Variants in CAB39L observed in about 807,000 individuals in gnomAD.
CAB39L encodes calcium-binding protein 39-like.
In CAB39L, 23 loss-of-function variants were observed where a neutral mutation model predicts 39.1. That is an observed-to-expected ratio of 0.59 (90% CI 0.42 to 0.83). The LOEUF is 0.83. Ranked by LOEUF, CAB39L falls within the 40% of genes least tolerant of loss-of-function variation. The pLI is 0.00. For synonymous variants in CAB39L, 126 were observed against 137.2 expected, an observed-to-expected ratio of 0.92 and a Z score of 0.57; for missense variants, 366 against 391.9, an observed-to-expected ratio of 0.93 and a Z score of 0.56.
chr13:49,338,255 T>G (rs1411367073), intron 9 of CAB39L, among the ~76,000 whole-genome samples: 1 of 151,836 alleles, frequency 6.6e-6, no homozygotes, highest in Non-Finnish European at 1.5e-5. Context: ...CCAACCCAAA[T>G]GTCCAACAAT....
intron 3 of CAB39L, among the ~76,000 whole-genome samples, chr13:49,395,237 CTTTT>C (rs543831076): frequency 1.5e-5 from 2 of 135,008 alleles, no homozygotes; most frequent in South Asian, 2.4e-4. Flanking sequence ...TCTTTTCTTT[CTTTT>C]TTTTTTTTTT....
At chr13:49,322,251 G>A (rs185862355) in intron 10 of CAB39L, among the ~76,000 whole-genome samples, 30 of 152,224 alleles carry the variant, frequency 2.0e-4, no homozygotes, top group African/African-American at 6.5e-4. Flanking sequence ...AATAAAATAC[G>A]TGGTTTCTAT....
At chr13:49,355,434 C>T (rs1476075549) in intron 6 of CAB39L, among the ~76,000 whole-genome samples, 3 of 151,942 alleles carry the variant, frequency 2.0e-5, no homozygotes, top group Non-Finnish European at 4.4e-5. Flanking sequence ...GGCCTAGAAG[C>T]AATAACAATC....
At chr13:49,429,679 C>T (rs1025344956) in intron 3 of CAB39L, among the ~76,000 whole-genome samples, 1 of 152,134 alleles carries the variant, frequency 6.6e-6, no homozygotes, top group African/African-American at 2.4e-5. Flanking sequence ...ATGAGTATAC[C>T]ATGAGGTTCA....
intron 10 of CAB39L, among the ~76,000 whole-genome samples, chr13:49,330,741 G>A (rs976173139): frequency 6.7e-6 from 1 of 149,240 alleles, no homozygotes; most frequent in African/African-American, 2.5e-5. Context: ...AAAAAATCTG[G>A]AACTCTCTGA....
At chr13:49,430,824 A>C (rs1594097593) in intron 3 of CAB39L, among the ~76,000 whole-genome samples, 1 of 152,148 alleles carries the variant, frequency 6.6e-6, no homozygotes, top group African/African-American at 2.4e-5. Flanking sequence ...CCTAATTCGT[A>C]ATTCCTGTTA....
intron 6 of CAB39L, among the ~76,000 whole-genome samples, chr13:49,359,250 T>C (rs1359140255): frequency 6.6e-6 from 1 of 152,172 alleles, no homozygotes; most frequent in African/African-American, 2.4e-5. Flanking sequence ...GTTTTATGGC[T>C]TCCCTATAGA....
intron 1 of CAB39L, among the ~76,000 whole-genome samples, chr13:49,435,902 G>C (rs1957404640): frequency 6.6e-6 from 1 of 152,184 alleles, no homozygotes; most frequent in African/African-American, 2.4e-5. Flanking sequence ...TTTTACGAAG[G>C]TGTTTTCATC....
intron 3 of CAB39L, among the ~76,000 whole-genome samples, chr13:49,385,133 C>G (rs920810019): frequency 4.6e-5 from 7 of 152,204 alleles, no homozygotes; most frequent in African/African-American, 1.7e-4. Context: ...TGTGTGGCCA[C>G]CCTCACCAAT....
chr13:49,316,498 C>A lies in CAB39L; in HGVS notation c.835-5505G>T, dbSNP rs532322362. On this transcript the variant is annotated intron_variant, in intron 10 of 10. Coordinates refer to ENST00000409308, the MANE Select transcript of CAB39L (RefSeq NM_001079670.3). ...TATGAGGCCAGTATTACCCAAATAC[C>A]AAAGCCAGAGAAAAACAACACAAAA... Among the ~76,000 whole-genome samples, 159 of 152,210 alleles carry A rather than the reference C, an allele frequency of 1.0e-3. 1 individual carries two copies. The highest frequency in any genetic ancestry group is 3.6e-3 in the African/African-American group (150 of 41,520).
At chr13:49,391,933 C>T (rs1314465727) in intron 3 of CAB39L, among the ~76,000 whole-genome samples, 2 of 146,082 alleles carry the variant, frequency 1.4e-5, no homozygotes, top group Non-Finnish European at 3.0e-5. Flanking sequence ...GACTCTCAAA[C>T]TCTCAAATTG....
intron 1 of CAB39L, among the ~76,000 whole-genome samples, chr13:49,439,774 T>C (rs1452040628): frequency 3.9e-5 from 6 of 152,226 alleles, no homozygotes; most frequent in Admixed American, 3.3e-4. Flanking sequence ...GTAAGAGCCA[T>C]TCTGACTGGC....
At chr13:49,405,119 C>T (rs951919673) in intron 3 of CAB39L, among the ~76,000 whole-genome samples, 1 of 152,028 alleles carries the variant, frequency 6.6e-6, no homozygotes, top group Non-Finnish European at 1.5e-5. Context: ...AAAACTACCT[C>T]AGGACATCTA....
At chr13:49,351,155 T>G (rs1955337492) in intron 6 of CAB39L, 14 of 273,362 alleles carry the variant, frequency 5.1e-5, no homozygotes, top group South Asian at 2.8e-4. Context: ...CAGCTGGGGG[T>G]GGGGGGATGA....
rs369627239 is a variant in CAB39L at position 49,359,860 on chromosome 13, T to C, written c.277-28A>G. 6.2e-5 allele frequency: 76 copies of C among 1,224,306 alleles called. No individual in the cohort carries two copies. In the East Asian group the frequency reaches 1.6e-3, roughly 26 times the overall value. 75.8% of individuals were successfully genotyped at this position (1,224,306 alleles called of 1,614,324 possible). Reference sequence around the variant, plus strand: ...GTTAAAGAAACAAACAGAAATTAAATTGTACACTCTAAATGGATGAATTGT... The same window carrying C: ...GTTAAAGAAACAAACAGAAATTAAACTGTACACTCTAAATGGATGAATTGT... On this transcript the variant is annotated intron_variant, in intron 5 of 10. Transcript: ENST00000409308.
chr13:49,343,203 A>C (rs923097833), intron 8 of CAB39L, among the ~76,000 whole-genome samples: 3 of 152,294 alleles, frequency 2.0e-5, no homozygotes, highest in Admixed American at 1.3e-4. Flanking sequence ...TTTTGGATGG[A>C]TCTGTCACCA....
intron 10 of CAB39L, among the ~76,000 whole-genome samples, chr13:49,317,359 C>T (rs541519541): frequency 3.9e-5 from 6 of 151,922 alleles, no homozygotes; most frequent in Non-Finnish European, 8.8e-5. Context: ...GCGAAACCCC[C>T]TCTCTACAAA....
chr13:49,425,905 T>G (rs1036370300), intron 3 of CAB39L, among the ~76,000 whole-genome samples: 5 of 152,346 alleles, frequency 3.3e-5, no homozygotes, highest in African/African-American at 1.2e-4. Flanking sequence ...AGGTAGCACT[T>G]GCTTTCTGCT....
intron 3 of CAB39L, among the ~76,000 whole-genome samples, chr13:49,383,445 C>CT (rs1240904237): frequency 1.3e-5 from 2 of 151,984 alleles, no homozygotes; most frequent in Non-Finnish European, 2.9e-5. Context: ...TCAATTATAC[C>CT]TTTTTCCATT....
Sources: gnomAD v4.1 joint callset for allele counts (sites outside exome capture counted in the v4.1 genomes callset) on GRCh38, gnomAD v4.1.1 for gene constraint, MANE v1.5 for transcripts, NCBI Gene and HGNC (gene_info 2026-07-23, HGNC 2026-07-21) for gene names.